Variants in ARMC9 observed in about 807,000 individuals in gnomAD.
ARMC9 encodes the protein lisH domain-containing protein ARMC9.
In ARMC9, 94 loss-of-function variants were observed where a neutral mutation model predicts 107.0. That is an observed-to-expected ratio of 0.88 (90% CI 0.74 to 1.04). The LOEUF is 1.04. Among genes scored for constraint, ARMC9 ranks in the 50% least tolerant of loss-of-function variants. The pLI is 0.00. For synonymous variants in ARMC9, 380 were observed against 396.9 expected, an observed-to-expected ratio of 0.96 and a Z score of 0.51; for missense variants, 942 against 1,030.1, an observed-to-expected ratio of 0.91 and a Z score of 1.17.
At chr2:231,286,408 C>T (rs1271380276) in intron 17 of ARMC9, among the ~76,000 whole-genome samples, 1 of 152,216 alleles carries the variant, frequency 6.6e-6, no homozygotes, top group Non-Finnish European at 1.5e-5. Flanking sequence ...AGCCACCGCG[C>T]CCGGTGCCTG....
intron 7 of ARMC9, among the ~76,000 whole-genome samples, chr2:231,230,047 A>G (rs952396280): frequency 6.6e-6 from 1 of 152,190 alleles, no homozygotes; most frequent in East Asian, 1.9e-4. Context: ...GGAGGTTATA[A>G]TAAGACATCT....
At chr2:231,303,264 C>G (rs1490287241) in intron 19 of ARMC9, among the ~76,000 whole-genome samples, 1 of 151,844 alleles carries the variant, frequency 6.6e-6, no homozygotes, top group Non-Finnish European at 1.5e-5. Flanking sequence ...GTTTTGAATT[C>G]CTTAGGATTT....
intron 16 of ARMC9, among the ~76,000 whole-genome samples, chr2:231,280,376 T>G (rs1296464090): frequency 2.0e-5 from 3 of 152,160 alleles, no homozygotes; most frequent in African/African-American, 2.4e-5. Context: ...GAGAATCACT[T>G]GAACCTGGGA....
chr2:231,321,441 G>A (rs2042990629), intron 19 of ARMC9, among the ~76,000 whole-genome samples: 1 of 152,196 alleles, frequency 6.6e-6, no homozygotes, highest in Non-Finnish European at 1.5e-5. Context: ...TTTTCCTGAG[G>A]TTTTTTCTGT....
Position 231,237,819 on chromosome 2 carries a change from C to T in ARMC9, c.781-2124C>T, listed in dbSNP as rs558816681. Among the ~76,000 whole-genome samples, 13 of 46,994 alleles carry T rather than the reference C, an allele frequency of 2.8e-4. No individual in the cohort carries two copies. The South Asian group carries it at 8.8e-3, about 32-fold the overall frequency. 30.8% of individuals were successfully genotyped at this position (46,994 alleles called of 152,430 possible). ...TTTTTTTTTTTTTTTTTTTTTTGGTCAGTCATCCATTTTCTTTCCTCATTC... is the reference window on the plus strand; with the variant it reads ...TTTTTTTTTTTTTTTTTTTTTTGGTTAGTCATCCATTTTCTTTCCTCATTC... On this transcript the variant is annotated intron_variant, in intron 8 of 24. Transcript: ENST00000611582.
Position 231,343,936 on chromosome 2 carries a change from A to G in ARMC9, c.1879-1039A>G, listed in dbSNP as rs75139226. ...AAAAGCATTCTTTATGTACATTATTATAACCTGATTTTTATTTAATGTTTT... is the reference window on the plus strand; with the variant it reads ...AAAAGCATTCTTTATGTACATTATTGTAACCTGATTTTTATTTAATGTTTT... On this transcript the variant is annotated intron_variant, in intron 20 of 24. Coordinates refer to ENST00000611582, the MANE Select transcript of ARMC9 (RefSeq NM_001352754.2). Among the ~76,000 whole-genome samples, 480 of 152,136 alleles carry G rather than the reference A, an allele frequency of 3.2e-3. 2 individuals carry two copies. Among genetic ancestry groups the G allele is most frequent in the Non-Finnish European group, 4.8e-3 (327 of 67,990 alleles).
At position 231,297,448 on chromosome 2, in the gene ARMC9, C is replaced by T. The variant is rs926207228; in HGVS notation, c.1773+1195C>T. On this transcript the variant is annotated intron_variant, in intron 19 of 24. Coordinates refer to ENST00000611582, the MANE Select transcript of ARMC9 (RefSeq NM_001352754.2). This position sits in a 1 kb window ranked among gnomAD's most constrained non-coding sequence, Gnocchi z 4.2. ...CTTTGTGTAAAGGAAAAGATAGGAA[C>T]TATTTTAGGGCTTGCAGGCCACACA... is the stretch of plus-strand genomic sequence containing the variant. Among the ~76,000 whole-genome samples, 1 of 152,152 alleles carries T rather than the reference C, an allele frequency of 6.6e-6. No individual in the cohort carries two copies. Among genetic ancestry groups the T allele is most frequent in the African/African-American group, 2.4e-5 (1 of 41,440 alleles).
At chr2:231,354,768 C>CCCTTGTTGGATTAGGTGGCCCATATCT (rs1292683477) in intron 21 of ARMC9, among the ~76,000 whole-genome samples, 1 of 152,202 alleles carries the variant, frequency 6.6e-6, no homozygotes, top group Admixed American at 6.5e-5. Flanking sequence ...CCCCACTGAG[C>CCCTTGTTGGATTAGGTGGCCCATATCT]CCTTGTTGGA....
intron 23 of ARMC9, among the ~76,000 whole-genome samples, chr2:231,366,080 G>C (rs2045804995): frequency 6.6e-6 from 1 of 152,218 alleles, no homozygotes; most frequent in Non-Finnish European, 1.5e-5. Context: ...TTAGGGAATT[G>C]GCTCATGTGA....
chr2:231,318,639 AAC>A (rs1484112788), intron 19 of ARMC9, among the ~76,000 whole-genome samples: 1 of 152,180 alleles, frequency 6.6e-6, no homozygotes, highest in Non-Finnish European at 1.5e-5. Flanking sequence ...GAAGGCCATG[AAC>A]ACACAGTTCT....
intron 14 of ARMC9, among the ~76,000 whole-genome samples, chr2:231,275,656 T>C (rs973103286): frequency 2.6e-5 from 4 of 152,166 alleles, no homozygotes; most frequent in Non-Finnish European, 4.4e-5. Context: ...AGCGTTTAGG[T>C]AAAAATCTAT....
In ARMC9 at chr2:231,276,718, G is replaced by T; in HGVS notation, c.1417G>T (p.Asp473Tyr). The change falls in exon 15 of 25, where the codon GAC becomes TAC. Residue 473 changes from aspartate to tyrosine, a missense_variant. Physicochemically the swap from Asp to Tyr is radical, Grantham distance 160. Coordinates refer to ENST00000611582, the MANE Select transcript of ARMC9 (RefSeq NM_001352754.2). ...TCTGAAGGACCCTGACTGCCTGTCTGACTACACGCTGGAGTACTCGGTGGC... is the reference window on the plus strand; with the variant it reads ...TCTGAAGGACCCTGACTGCCTGTCTTACTACACGCTGGAGTACTCGGTGGC... ...DVLKDPDCLSDYTLEYSVALL... is the reference protein window; with the variant it reads ...DVLKDPDCLSYYTLEYSVALL... The T allele has an allele frequency of 6.2e-7, 1 of 1,614,122 alleles. No individual in the cohort carries two copies. Among genetic ancestry groups the T allele is most frequent in the Non-Finnish European group, 8.5e-7 (1 of 1,180,022 alleles).
Position 231,259,122 on chromosome 2 carries a change from A to C in ARMC9, c.1026+20A>C, listed in dbSNP as rs908585186. 9.4e-6 allele frequency: 15 copies of C among 1,597,786 alleles called. No homozygotes were observed. Among genetic ancestry groups the C allele is most frequent in the Non-Finnish European group, 1.2e-5 (14 of 1,167,298 alleles). Reference sequence around the variant, plus strand: ...CGCTGGGTAGGTACCTTTGTCTTAAAGTTAGAAAACAAAACCAAACCAGTG... The same window carrying C: ...CGCTGGGTAGGTACCTTTGTCTTAACGTTAGAAAACAAAACCAAACCAGTG... On this transcript the variant is annotated intron_variant, in intron 11 of 24. Transcript: ENST00000611582.
intron 21 of ARMC9, among the ~76,000 whole-genome samples, chr2:231,351,648 T>G (rs946292028): frequency 6.6e-6 from 1 of 152,142 alleles, no homozygotes; most frequent in African/African-American, 2.4e-5. Context: ...GTTTGCAGTT[T>G]GATTTTTGTT....
intron 19 of ARMC9, among the ~76,000 whole-genome samples, chr2:231,319,889 TG>T (rs2042904578): frequency 6.6e-6 from 1 of 152,182 alleles, no homozygotes; most frequent in African/African-American, 2.4e-5. Flanking sequence ...CAGACAGCTG[TG>T]GCTGTATCCC....
intron 3 of ARMC9, 63 bp from the exon 4 acceptor site, chr2:231,214,765 TGGG>T (rs1181262723): frequency 3.6e-5 from 55 of 1,511,072 alleles, no homozygotes; most frequent in Non-Finnish European, 3.8e-5. Context: ...TGGTGTTGAG[TGGG>T]TTGTGAGAAT....
At chr2:231,212,602 T>A (rs908933058) in intron 3 of ARMC9, among the ~76,000 whole-genome samples, 4 of 152,340 alleles carry the variant, frequency 2.6e-5, no homozygotes, top group South Asian at 4.1e-4. Context: ...GAATGGGCAC[T>A]GGGTTTGCTT....
Position 231,360,262 on chromosome 2 carries a change from G to A in ARMC9, c.2132-492G>A, listed in dbSNP as rs1475351979. 1.3e-5 allele frequency among the ~76,000 whole-genome samples: 2 copies of A among 152,150 alleles called. No individual in the cohort carries two copies. The highest frequency in any genetic ancestry group is 4.8e-5 in the African/African-American group (2 of 41,422). The stretch of plus-strand genomic sequence containing the variant: ...GTCACTGGGAGTTAGGGCACTTCCT[G>A]GCCACCCTGGGTGTACCGAGTGGTT... On this transcript the variant is annotated intron_variant, in intron 22 of 24. Transcript: ENST00000611582. The surrounding 1 kb of genome is among the most constrained non-coding windows in gnomAD (Gnocchi z 4.7).
intron 9 of ARMC9, among the ~76,000 whole-genome samples, chr2:231,247,702 A>C (rs1345005355): frequency 6.6e-6 from 1 of 152,142 alleles, no homozygotes; most frequent in Admixed American, 6.5e-5. Flanking sequence ...AGGCCGAGGC[A>C]GGCAGATTAC....
Sources: gnomAD v4.1 joint callset for allele counts (sites outside exome capture counted in the v4.1 genomes callset) on GRCh38, gnomAD v4.1.1 for gene constraint, Gnocchi (gnomAD v3.1) non-coding constraint, MANE v1.5 for transcripts, NCBI Gene and HGNC (gene_info 2026-07-23, HGNC 2026-07-21) for gene names.